The following HTT variants were observed in gnomAD, a reference collection of about 807,000 sequenced individuals.
HTT encodes huntingtin.
A neutral mutation model predicts 362.3 loss-of-function variants in HTT; 104 were observed. The observed-to-expected ratio is 0.29, with a 90% CI of 0.24 to 0.34. The LOEUF (loss-of-function observed/expected upper bound fraction) is 0.34, where lower values mean the gene tolerates loss of function less well. Among genes scored for constraint, HTT ranks in the 10% least tolerant of loss-of-function variants. The pLI is 1.00. For missense variants in HTT, 3,301 were observed against 3,928.6 expected (o/e 0.84, Z 4.27); for synonymous variants, 1,577 against 1,548.7 (o/e 1.02, Z -0.43).
chr4:3,234,865 G>T (rs1315971148), intron 61 of HTT, among the ~76,000 whole-genome samples: 5 of 152,222 alleles, frequency 3.3e-5, no homozygotes, highest in African/African-American at 1.2e-4. Flanking sequence ...GAAGGCCGGC[G>T]CTGTCGGGGG....
intron 7 of HTT, among the ~76,000 whole-genome samples, chr4:3,115,863 A>G (rs1714996455): frequency 6.6e-6 from 1 of 152,242 alleles, no homozygotes; most frequent in African/African-American, 2.4e-5. Flanking sequence ...GCGATATGAA[A>G]TAACGACCTG....
intron 28 of HTT, among the ~76,000 whole-genome samples, chr4:3,159,260 T>C (rs895697771): frequency 5.3e-5 from 8 of 152,216 alleles, no homozygotes; most frequent in African/African-American, 1.7e-4. Flanking sequence ...TGGAAGCTTT[T>C]TCATCTTAAT....
At chr4:3,079,573 AG>A (rs1712778559) in intron 1 of HTT, among the ~76,000 whole-genome samples, 1 of 152,144 alleles carries the variant, frequency 6.6e-6, no homozygotes, top group African/African-American at 2.4e-5. Context: ...GAATTGAGTG[AG>A]GGGGACATTT....
At chr4:3,220,151 G>A (rs771105724) in intron 52 of HTT, 31 bp from the exon 53 acceptor site, 29 of 1,613,376 alleles carry the variant, frequency 1.8e-5, no homozygotes, top group African/African-American at 4.0e-5. Flanking sequence ...GACTCAACTC[G>A]GATGATGTCA....
At chr4:3,095,334 G>C (rs1713797595) in intron 2 of HTT, among the ~76,000 whole-genome samples, 2 of 152,260 alleles carry the variant, frequency 1.3e-5, no homozygotes, top group Admixed American at 1.3e-4. Flanking sequence ...AGACCAGCCC[G>C]GCCAACACGG....
At chr4:3,224,530 C>T (rs1274404607) in intron 56 of HTT, among the ~76,000 whole-genome samples, 3 of 152,174 alleles carry the variant, frequency 2.0e-5, no homozygotes, top group African/African-American at 4.8e-5. Flanking sequence ...GGCCTGAGCA[C>T]CCCGCTCCCT....
At chr4:3,123,491 T>G (rs1262172862) in intron 10 of HTT, 1 of 152,200 alleles carries the variant, frequency 6.6e-6, no homozygotes, top group African/African-American at 2.4e-5. Context: ...TCCAGCCTGG[T>G]CAACATAGTG....
intron 39 of HTT, 77 bp downstream of exon 39, chr4:3,187,963 G>T: frequency 1.2e-6 from 1 of 801,536 alleles, no homozygotes; most frequent in Admixed American, 2.3e-5. Context: ...CAGTAAGTCT[G>T]GAATAATACC....
At chr4:3,178,115 G>A (rs944800851) in intron 34 of HTT, among the ~76,000 whole-genome samples, 183 bp from the exon 35 acceptor site, 17 of 152,214 alleles carry the variant, frequency 1.1e-4, no homozygotes, top group African/African-American at 4.1e-4. Flanking sequence ...ACATGTCCCT[G>A]CTCTGCGCGA....
chr4:3,238,656 G>A (rs375004996), intron 65 of HTT, 47 bp downstream of exon 65: 7 of 1,545,108 alleles, frequency 4.5e-6, no homozygotes, highest in Non-Finnish European at 6.2e-6. Flanking sequence ...GCCTGGAGGT[G>A]GAGTTGCCTC....
chr4:3,202,424 A>G (rs990452759), intron 41 of HTT, among the ~76,000 whole-genome samples: 1 of 152,216 alleles, frequency 6.6e-6, no homozygotes, highest in Non-Finnish European at 1.5e-5. Context: ...TGCAAAGTGC[A>G]CAATTACAGC....
Position 3,229,952 on chromosome 4 carries a change from A to C in HTT, c.8175A>C (p.Thr2725=), listed in dbSNP as rs201467885. 2.7e-3 allele frequency: 4,389 copies of C among 1,614,138 alleles called. 9 individuals are homozygous for C. The highest frequency in any genetic ancestry group is 3.4e-3 in the Non-Finnish European group (4,010 of 1,179,934). The change falls in exon 60 of 67, where the codon ACA becomes ACC. Residue 2725 remains threonine (T), a synonymous_variant. Transcript: ENST00000355072. ...TTGAGCTGATGTATGTGACGCTGAC[A>C]GAACTGCGAAGGGTGCACCCTTCAG... is the stretch of plus-strand genomic sequence containing the variant. ...NQFELMYVTL[T]ELRRVHPSED...
chr4:3,229,320 AC>A (rs1721103136), intron 59 of HTT, among the ~76,000 whole-genome samples: 1 of 106,032 alleles, frequency 9.4e-6, no homozygotes, highest in Non-Finnish European at 2.0e-5. Flanking sequence ...ACACACACAC[AC>A]CACACACACC....
At chr4:3,177,670 G>T (rs1718299528) in intron 34 of HTT, among the ~76,000 whole-genome samples, 1 of 152,196 alleles carries the variant, frequency 6.6e-6, no homozygotes, top group African/African-American at 2.4e-5. Context: ...ATGAAATCTT[G>T]TGGTGGAGCA....
intron 50 of HTT, 132 bp from the exon 51 acceptor site, chr4:3,214,978 G>T (rs568101802): frequency 2.6e-5 from 17 of 658,022 alleles, no homozygotes; most frequent in Non-Finnish European, 4.2e-5. Context: ...GTCTAAAATT[G>T]GTTCTAAGGA....
intron 37 of HTT, among the ~76,000 whole-genome samples, chr4:3,183,972 C>T (rs542606809): frequency 5.3e-5 from 8 of 152,252 alleles, no homozygotes; most frequent in African/African-American, 1.9e-4. Context: ...GACCCCCTGC[C>T]TTCTTGGAGT....
intron 2 of HTT, 37 bp downstream of exon 2, chr4:3,087,059 CTT>C (rs758750804): frequency 8.7e-7 from 1 of 1,146,184 alleles, no homozygotes; most frequent in Non-Finnish European, 1.3e-6. Flanking sequence ...AAAATAAGAA[CTT>C]TGTATATTTT....
At chr4:3,079,037 C>T (rs1269548615) in intron 1 of HTT, among the ~76,000 whole-genome samples, 2 of 151,846 alleles carry the variant, frequency 1.3e-5, no homozygotes, top group Non-Finnish European at 2.9e-5. Flanking sequence ...AGGCATGAGC[C>T]ACTGTGCCCG....
intron 28 of HTT, among the ~76,000 whole-genome samples, chr4:3,157,550 C>T (rs867118256): frequency 1.3e-5 from 2 of 152,144 alleles, no homozygotes; most frequent in African/African-American, 4.8e-5. Flanking sequence ...ACATGCTGGT[C>T]CTGCAGGTAC....
Sources: allele counts gnomAD v4.1 joint callset (sites outside exome capture counted in the v4.1 genomes callset), GRCh38; gene constraint gnomAD v4.1.1; transcripts MANE v1.5; gene names NCBI Gene and HGNC (gene_info 2026-07-23, HGNC 2026-07-21).